The following ATG10 variants were observed in gnomAD, a reference collection of about 807,000 sequenced individuals.
ATG10 encodes autophagy related 10.
ATG10 carries 30 observed loss-of-function variants against 32.1 expected under a neutral mutation model. The observed-to-expected ratio is 0.94, with a 90% CI of 0.70 to 1.27. The LOEUF (loss-of-function observed/expected upper bound fraction) is 1.27. Among genes scored for constraint, ATG10 ranks in the 50% most tolerant of loss-of-function variants. The probability of loss-of-function intolerance (pLI) is 0.00; values close to 1 mark genes in which losing one functional copy is unlikely to be tolerated. For synonymous variants in ATG10, 87 were observed against 91.5 expected, an observed-to-expected ratio of 0.95 and a Z score of 0.28; for missense variants, 233 against 262.3, an observed-to-expected ratio of 0.89 and a Z score of 0.77.
intron 1 of ATG10, among the ~76,000 whole-genome samples, chr5:81,981,675 G>T (rs2149656994): frequency 6.6e-6 from 1 of 152,264 alleles, no homozygotes; most frequent in African/African-American, 2.4e-5. Context: ...ATGATCTTAA[G>T]TTCTGGGAAA....
rs555180120 is a variant in ATG10 at position 82,015,566 on chromosome 5, A to T, written c.108+27888A>T. On this transcript the variant is annotated intron_variant, in intron 2 of 7. Transcript: ENST00000282185. ...TCTCTAAACTTCTCTTCTCGCTTCA[A>T]TTCATTCATTTGATCTTCCATCACT... 1.7e-3 allele frequency among the ~76,000 whole-genome samples: 260 copies of T among 152,152 alleles called. 3 individuals carry two copies. Among genetic ancestry groups the T allele is most frequent in the African/African-American group, 6.0e-3 (251 of 41,512 alleles).
At chr5:82,143,248 G>T (rs1767221731) in intron 3 of ATG10, among the ~76,000 whole-genome samples, 1 of 152,246 alleles carries the variant, frequency 6.6e-6, no homozygotes, top group Non-Finnish European at 1.5e-5. Flanking sequence ...GGCCTTCCTT[G>T]TGAGTAAGTG....
intron 3 of ATG10, among the ~76,000 whole-genome samples, chr5:82,083,332 G>T (rs1380775655): frequency 6.6e-6 from 1 of 152,200 alleles, no homozygotes; most frequent in Non-Finnish European, 1.5e-5. Flanking sequence ...AAGTGGCCGG[G>T]AAGCTCGAAC....
intron 4 of ATG10, among the ~76,000 whole-genome samples, chr5:82,165,978 A>T (rs1743563653): frequency 6.6e-6 from 1 of 152,204 alleles, no homozygotes. Context: ...TCCCAGAGAC[A>T]AAACAAGTTG....
At chr5:82,095,387 C>CA (rs1218256462) in intron 3 of ATG10, among the ~76,000 whole-genome samples, 2 of 151,540 alleles carry the variant, frequency 1.3e-5, no homozygotes, top group African/African-American at 4.8e-5. Context: ...AAACACTTGG[C>CA]AAAAAATAGG....
At chr5:82,175,522 G>T (rs1036441451) in intron 4 of ATG10, among the ~76,000 whole-genome samples, 1 of 152,154 alleles carries the variant, frequency 6.6e-6, no homozygotes, top group Admixed American at 6.5e-5. Context: ...GAATATAACT[G>T]AATTGTACAC....
At chr5:82,142,842 A>T (rs1767207281) in intron 3 of ATG10, among the ~76,000 whole-genome samples, 1 of 152,212 alleles carries the variant, frequency 6.6e-6, no homozygotes, top group African/African-American at 2.4e-5. Context: ...GGTGATAAAT[A>T]TGGAGTAGAA....
intron 4 of ATG10, among the ~76,000 whole-genome samples, chr5:82,173,042 A>G (rs1304436796): frequency 1.3e-5 from 2 of 152,196 alleles, no homozygotes; most frequent in Non-Finnish European, 2.9e-5. Context: ...TTGAATAATG[A>G]CATTTTTTGT....
rs1760735137 is a variant in ATG10, at chr5:81,972,049, T to TGGCGGACCTGACTGAAGGAGGC, written c.-269_-248dup. The TGGCGGACCTGACTGAAGGAGGC allele has an allele frequency of 6.6e-6, 1 of 151,990 alleles. No individual in the cohort carries two copies. The highest frequency in any genetic ancestry group is 1.5e-5 in the Non-Finnish European group (1 of 67,928). 9.4% of individuals were successfully genotyped at this position (151,990 alleles called of 1,614,324 possible). ...CAGTGCGCACGCTCCGACTCGGCCG[T>TGGCGGACCTGACTGAAGGAGGC]GGCGGACCTGACTGAAGGAGGCCGC... is the stretch of plus-strand genomic sequence containing the variant. On this transcript the variant is annotated 5_prime_UTR_variant, in exon 1 of 8. Coordinates refer to ENST00000282185, the MANE Select transcript of ATG10 (RefSeq NM_031482.5).
At chr5:82,106,555 C>T (rs114241202) in intron 3 of ATG10, among the ~76,000 whole-genome samples, 1 of 152,006 alleles carries the variant, frequency 6.6e-6, no homozygotes, top group African/African-American at 2.4e-5. Flanking sequence ...TCTCATTTAA[C>T]ATGTTTTAGA....
intron 3 of ATG10, among the ~76,000 whole-genome samples, chr5:82,139,323 C>G (rs1014479651): frequency 6.7e-6 from 1 of 150,010 alleles, no homozygotes; most frequent in African/African-American, 2.5e-5. Flanking sequence ...ATGTGAGGAG[C>G]CCCTCTGCCT....
At chr5:81,998,643 C>T (rs1318671701) in intron 2 of ATG10, among the ~76,000 whole-genome samples, 2 of 152,076 alleles carry the variant, frequency 1.3e-5, no homozygotes, top group African/African-American at 4.8e-5. Context: ...TCAAGAGACC[C>T]ATCTCACATG....
At chr5:82,216,408 A>G (rs1009725693) in intron 5 of ATG10, among the ~76,000 whole-genome samples, 4 of 152,214 alleles carry the variant, frequency 2.6e-5, no homozygotes, top group African/African-American at 7.2e-5. Flanking sequence ...GAAGAGACAT[A>G]TATTATTAAC....
At chr5:82,098,560 CG>C (rs1249203014) in intron 3 of ATG10, among the ~76,000 whole-genome samples, 2 of 151,962 alleles carry the variant, frequency 1.3e-5, no homozygotes, top group Admixed American at 6.6e-5. Flanking sequence ...TCACCCGCCT[CG>C]GGCCTCCCAA....
chr5:82,051,734 G>A (rs1291243281), intron 2 of ATG10, among the ~76,000 whole-genome samples: 2 of 152,166 alleles, frequency 1.3e-5, no homozygotes, highest in Non-Finnish European at 2.9e-5. Flanking sequence ...ATGGGGAGGA[G>A]TCGTATTAAC....
At chr5:82,159,325 T>G (rs992245645) in intron 3 of ATG10, among the ~76,000 whole-genome samples, 1 of 152,190 alleles carries the variant, frequency 6.6e-6, no homozygotes, top group African/African-American at 2.4e-5. Flanking sequence ...GATTTTTCAC[T>G]TAATATTTTC....
At chr5:82,225,066 T>G (rs1353949654) in intron 5 of ATG10, among the ~76,000 whole-genome samples, 2 of 152,254 alleles carry the variant, frequency 1.3e-5, no homozygotes, top group African/African-American at 4.8e-5. Flanking sequence ...ATATTTTTGG[T>G]GCTCCTGTTC....
intron 3 of ATG10, among the ~76,000 whole-genome samples, chr5:82,157,147 C>T (rs1299786365): frequency 2.6e-5 from 4 of 152,142 alleles, no homozygotes; most frequent in Non-Finnish European, 5.9e-5. Flanking sequence ...GAAACAGATT[C>T]TTCCTCTCAG....
intron 5 of ATG10, among the ~76,000 whole-genome samples, chr5:82,239,907 A>G (rs866174954): frequency 2.0e-5 from 3 of 152,210 alleles, no homozygotes; most frequent in South Asian, 2.1e-4. Flanking sequence ...GCTAAAAGAT[A>G]TATGAAAAAA....
Sources: gnomAD v4.1 joint callset for allele counts (sites outside exome capture counted in the v4.1 genomes callset) on GRCh38, gnomAD v4.1.1 for gene constraint, MANE v1.5 for transcripts, NCBI Gene and HGNC (gene_info 2026-07-23, HGNC 2026-07-21) for gene names.